Variants in GANC observed in about 807,000 individuals in gnomAD.
The protein encoded by GANC is neutral alpha-glucosidase C.
GANC carries 117 observed loss-of-function variants against 124.2 expected under a neutral mutation model. The ratio of observed to expected loss-of-function variants is 0.94; its 90% confidence interval spans 0.81 to 1.10. The LOEUF is 1.10. GANC is among the 50% of genes least tolerant of loss of function. The pLI is 0.00. For missense variants in GANC, 1,140 were observed against 1,095.0 expected, an observed-to-expected ratio of 1.04 and a Z score of -0.58; for synonymous variants, 377 against 376.8, an observed-to-expected ratio of 1.00 and a Z score of -0.01.
At chr15:42,311,406 CAAAA>C (rs781281844) in intron 10 of GANC, among the ~76,000 whole-genome samples, 1 of 152,028 alleles carries the variant, frequency 6.6e-6, no homozygotes, top group Non-Finnish European at 1.5e-5. Flanking sequence ...AAAGAATCCA[CAAAA>C]AAATTACTAG....
At chr15:42,297,790 T>C (rs1045850690) in intron 6 of GANC, 134 bp downstream of exon 6, 40 of 484,208 alleles carry the variant, frequency 8.3e-5, no homozygotes, top group Admixed American at 3.3e-4. Context: ...TAGGACCACT[T>C]GTTTCTTCGG....
Position 42,339,896 on chromosome 15 carries a change from TCC to T in GANC, c.2073_2074del (p.Gln692ThrfsTer12), listed in dbSNP as rs1278241535. 6.2e-7 allele frequency: 1 copy of T among 1,613,796 alleles called. No individual in the cohort carries two copies. Among genetic ancestry groups the T allele is most frequent in the Admixed American group, 1.7e-5 (1 of 60,006 alleles). ...TCTGTTCTACCATGCACACGTGGCT[TCC>T]CAACCTGTCATGAGGTAAAAAAGCT... ...YSLFYHAHVA[S>X]QPVMRPLWVE... On this transcript the variant is annotated frameshift_variant, in exon 17 of 24. Coordinates refer to ENST00000318010, the MANE Select transcript of GANC (RefSeq NM_198141.3). LOFTEE classifies it high-confidence loss of function.
At chr15:42,314,653 T>C (rs1263582032) in intron 10 of GANC, 1 of 153,376 alleles carries the variant, frequency 6.5e-6, no homozygotes. Context: ...GAGTTTTCTT[T>C]GGATATTAGT....
Position 42,352,016 on chromosome 15 carries a change from G to A in GANC, c.2636-14G>A, listed in dbSNP as rs750900787. ...TTCATCAAAATTTCCCTCTTTTATT[G>A]TCTTGCTATTTAGATGGTAAAGATC... On this transcript the variant is annotated splice_polypyrimidine_tract_variant and intron_variant, in intron 23 of 23. Coordinates refer to ENST00000318010, the MANE Select transcript of GANC (RefSeq NM_198141.3). 2 of 1,613,562 alleles carry A rather than the reference G, an allele frequency of 1.2e-6. No homozygotes were observed. Among genetic ancestry groups the A allele is most frequent in the African/African-American group, 2.7e-5 (2 of 74,898 alleles).
At position 42,310,325 on chromosome 15, in the gene GANC, A is replaced by T. The variant is rs751704578; in HGVS notation, c.765A>T (p.Gly255=). 6.2e-7 allele frequency: 1 copy of T among 1,612,690 alleles called. No individual in the cohort carries two copies. Among genetic ancestry groups the T allele is most frequent in the Non-Finnish European group, 8.5e-7 (1 of 1,179,076 alleles). The change falls in exon 9 of 24, where the codon GGA becomes GGT. Residue 255 remains glycine (G), a synonymous_variant. Transcript: ENST00000318010. ...AYRLYNLDVY[G]YQIYDKMGIY... ...GTCTTTATAACCTGGATGTCTATGG[A>T]TACCAAATATATGATAAAATGGGCA...
intron 10 of GANC, among the ~76,000 whole-genome samples, chr15:42,311,796 A>G (rs142346896): frequency 0.017 from 2,529 of 152,206 alleles, 73 homozygotes; most frequent in African/African-American, 0.059. Context: ...GGGGATTACA[A>G]TTCGACGTGA....
At position 42,353,029 on chromosome 15, in the gene GANC, A is replaced by G; in HGVS notation, c.*890A>G. ...AAAAATCAGAATTAATGCAAAAAAA[A>G]CCATGATGAACAAAATATTAAAATT... On this transcript the variant is annotated 3_prime_UTR_variant, in exon 24 of 24. Transcript: ENST00000318010. 1.2e-6 allele frequency: 1 copy of G among 818,138 alleles called. No homozygotes were observed. Among genetic ancestry groups the G allele is most frequent in the Non-Finnish European group, 1.5e-6 (1 of 677,358 alleles). The allele number at this position is 818,138 out of a possible 1,614,324, so 50.7% of individuals were successfully genotyped here. A position where few individuals can be genotyped will look rare whatever the true frequency, so the allele number is the denominator to read the frequency against.
chr15:42,278,811 T>C (rs2051702514), intron 3 of GANC, among the ~76,000 whole-genome samples: 1 of 152,108 alleles, frequency 6.6e-6, no homozygotes, highest in South Asian at 2.1e-4. Flanking sequence ...CTGGGTAACA[T>C]GGCGAAAACC....
chr15:42,313,484 G>A (rs1196862132), intron 10 of GANC, among the ~76,000 whole-genome samples: 1 of 152,176 alleles, frequency 6.6e-6, no homozygotes, highest in African/African-American at 2.4e-5. Context: ...TTGTATATCT[G>A]ATATGGGTCT....
intron 10 of GANC, among the ~76,000 whole-genome samples, chr15:42,315,947 A>G (rs1324805740): frequency 6.6e-6 from 1 of 152,134 alleles, no homozygotes; most frequent in Non-Finnish European, 1.5e-5. Context: ...CACACGAGCC[A>G]GTTACTTTAA....
intron 22 of GANC, among the ~76,000 whole-genome samples, chr15:42,349,966 T>C (rs927716133): frequency 5.4e-5 from 8 of 148,394 alleles, no homozygotes; most frequent in African/African-American, 2.0e-4. Flanking sequence ...GGAGTATTTT[T>C]CAACCTTTCT....
intron 3 of GANC, among the ~76,000 whole-genome samples, chr15:42,282,958 C>T (rs1776849577): frequency 6.6e-6 from 1 of 152,166 alleles, no homozygotes; most frequent in Admixed American, 6.5e-5. Context: ...CCCGTCTTTT[C>T]TTATAAGGGC....
chr15:42,335,610 C>A (rs1010720664), intron 15 of GANC, among the ~76,000 whole-genome samples: 1 of 152,108 alleles, frequency 6.6e-6, no homozygotes, highest in Non-Finnish European at 1.5e-5. Flanking sequence ...TGGAAGAAGT[C>A]CTGGCCAGAG....
intron 6 of GANC, among the ~76,000 whole-genome samples, chr15:42,298,389 A>T (rs536834574): frequency 5.8e-4 from 89 of 152,252 alleles, no homozygotes; most frequent in Non-Finnish European, 1.1e-3. Context: ...TTTGTTAAGT[A>T]CCTCCTATAT....
intron 9 of GANC, 95 bp downstream of exon 9, chr15:42,310,558 T>G: frequency 6.8e-7 from 1 of 1,464,404 alleles, no homozygotes. Context: ...GGCACTTCTC[T>G]GCCAACAAAA....
chr15:42,304,404 T>TA (rs2051974334), intron 6 of GANC, among the ~76,000 whole-genome samples: 1 of 152,046 alleles, frequency 6.6e-6, no homozygotes, highest in Admixed American at 6.6e-5. Context: ...GAATACAACT[T>TA]ACAAGGGATG....
chr15:42,349,346 A>C (rs767217968), intron 21 of GANC, 37 bp from the exon 22 acceptor site: 2 of 1,238,042 alleles, frequency 1.6e-6, no homozygotes, highest in Admixed American at 3.4e-5. Flanking sequence ...TAAAGCTATC[A>C]TATAAGCACA....
At chr15:42,327,576 GC>G in intron 13 of GANC, 134 bp downstream of exon 13, 1 of 710,466 alleles carries the variant, frequency 1.4e-6, no homozygotes, top group Non-Finnish European at 2.4e-6. Flanking sequence ...GGCAAGTATG[GC>G]CACCACATTA....
intron 2 of GANC, among the ~76,000 whole-genome samples, chr15:42,277,712 TGCCTCA>T (rs1048615208): frequency 2.0e-5 from 3 of 151,442 alleles, no homozygotes; most frequent in African/African-American, 7.3e-5. Flanking sequence ...GCGATTCTTC[TGCCTCA>T]GCCTCCCGAC....
Sources: gnomAD v4.1 joint callset for allele counts (sites outside exome capture counted in the v4.1 genomes callset) on GRCh38, gnomAD v4.1.1 for gene constraint, MANE v1.5 for transcripts, NCBI Gene and HGNC (gene_info 2026-07-23, HGNC 2026-07-21) for gene names.